Variants in TUSC3 observed in about 807,000 individuals in gnomAD.
TUSC3 encodes dolichyl-diphosphooligosaccharide--protein glycosyltransferase subunit TUSC3.
TUSC3 carries 45 observed loss-of-function variants against 44.8 expected under a neutral mutation model. That is an observed-to-expected ratio of 1.00 (90% CI 0.79 to 1.29). The LOEUF (loss-of-function observed/expected upper bound fraction) is 1.29. Among genes scored for constraint, TUSC3 ranks in the 50% most tolerant of loss-of-function variants. The pLI, the probability that TUSC3 is intolerant of heterozygous loss-of-function variation, is 0.00. For synonymous variants in TUSC3, 212 were observed against 152.9 expected (o/e 1.39, Z -2.85); for missense variants, 519 against 437.9 (o/e 1.19, Z -1.65).
intron 9 of TUSC3, among the ~76,000 whole-genome samples, chr8:15,750,672 A>AGAT (rs1431909509): frequency 6.6e-6 from 1 of 152,086 alleles, no homozygotes; most frequent in Non-Finnish European, 1.5e-5. Flanking sequence ...GCCTCACCAT[A>AGAT]GATATAAATA....
At chr8:15,780,027 G>A in the TUSC3 span, among the ~76,000 whole-genome samples, 5 of 152,262 alleles carry the variant, frequency 3.3e-5, no homozygotes, top group Non-Finnish European at 5.9e-5. Context: ...TCATCCTCTT[G>A]CCTTACACCA....
upstream of TUSC3, among the ~76,000 whole-genome samples, chr8:15,539,309 T>C (rs56383531): frequency 0.069 from 10,107 of 147,036 alleles, 367 homozygotes; most frequent in African/African-American, 0.11. Context: ...ATCAGGCCCA[T>C]ATCAAACGTT....
At chr8:15,746,704 C>T (rs1811431725) in intron 8 of TUSC3, among the ~76,000 whole-genome samples, 1 of 150,752 alleles carries the variant, frequency 6.6e-6, no homozygotes, top group South Asian at 2.1e-4. Flanking sequence ...TAAAAAGGAG[C>T]AAAGGGAATG....
chr8:15,721,166 A>T (rs1017664818), intron 6 of TUSC3, among the ~76,000 whole-genome samples: 5 of 152,058 alleles, frequency 3.3e-5, no homozygotes, highest in Admixed American at 1.3e-4. Context: ...AATGATCTGT[A>T]CTTAGAAAAT....
intron 2 of TUSC3, among the ~76,000 whole-genome samples, chr8:15,505,674 A>C (rs932273076): frequency 2.6e-5 from 4 of 152,210 alleles, no homozygotes; most frequent in Admixed American, 6.5e-5. Context: ...GGGGTCAGAG[A>C]AACTGCATTT....
intron 1 of TUSC3, among the ~76,000 whole-genome samples, chr8:15,552,144 T>G (rs957349195): frequency 2.6e-5 from 4 of 151,802 alleles, no homozygotes; most frequent in Non-Finnish European, 1.5e-5. Flanking sequence ...ATGTACCTTT[T>G]GATGATTTTA....
At chr8:15,446,611 C>T (rs968468969) in intron 1 of TUSC3, among the ~76,000 whole-genome samples, 5 of 151,600 alleles carry the variant, frequency 3.3e-5, no homozygotes, top group African/African-American at 7.3e-5. Flanking sequence ...CCTGCAATCC[C>T]AGGCGCTCGG....
chr8:15,645,575 C>T (rs1285426670), intron 2 of TUSC3, among the ~76,000 whole-genome samples: 2 of 152,028 alleles, frequency 1.3e-5, no homozygotes, highest in African/African-American at 2.4e-5. Context: ...TCTTTAACCT[C>T]TTAAAAGTGG....
the TUSC3 span, among the ~76,000 whole-genome samples, chr8:15,777,541 A>C: frequency 6.9e-6 from 1 of 145,590 alleles, no homozygotes; most frequent in African/African-American, 2.8e-5. Context: ...AAGAAAGACA[A>C]AATCTCTGAA....
At chr8:15,527,773 A>C (rs1313906516) in intron 2 of TUSC3, among the ~76,000 whole-genome samples, 1 of 152,196 alleles carries the variant, frequency 6.6e-6, no homozygotes, top group African/African-American at 2.4e-5. Flanking sequence ...GTAACTAAGC[A>C]CTAGTTACTG....
At chr8:15,570,938 A>C (rs1006520170) in intron 1 of TUSC3, among the ~76,000 whole-genome samples, 1 of 52,148 alleles carries the variant, frequency 1.9e-5, no homozygotes, top group Non-Finnish European at 6.0e-5. Flanking sequence ...TTTGCTTTCT[A>C]TTCCATTGCC....
At chr8:15,527,605 G>T (rs114735425) in intron 2 of TUSC3, among the ~76,000 whole-genome samples, 1 of 152,112 alleles carries the variant, frequency 6.6e-6, no homozygotes, top group African/African-American at 2.4e-5. Flanking sequence ...TGGTCTTACT[G>T]TGTTGACCAG....
At chr8:15,826,391 A>C in the TUSC3 span, among the ~76,000 whole-genome samples, 1 of 152,192 alleles carries the variant, frequency 6.6e-6, no homozygotes, top group Non-Finnish European at 1.5e-5. Context: ...AATAGCTTTA[A>C]TTGCCTTTTC....
intron 1 of TUSC3, among the ~76,000 whole-genome samples, chr8:15,420,752 T>G (rs1401420922): frequency 1.3e-5 from 2 of 152,148 alleles, no homozygotes; most frequent in African/African-American, 4.8e-5. Flanking sequence ...AGTTTCACAG[T>G]GGTGTTCCCT....
At chr8:15,583,675 G>A (rs1038938292) in intron 1 of TUSC3, among the ~76,000 whole-genome samples, 1 of 152,294 alleles carries the variant, frequency 6.6e-6, no homozygotes, top group East Asian at 1.9e-4. Flanking sequence ...AATTTGTACT[G>A]GAAGTGTTCA....
At chr8:15,674,514 A>G (rs538415684) in intron 6 of TUSC3, among the ~76,000 whole-genome samples, 8 of 151,942 alleles carry the variant, frequency 5.3e-5, no homozygotes, top group Non-Finnish European at 1.2e-4. Context: ...AAAGATACGT[A>G]TTTTGAGAAT....
At chr8:15,694,116 T>G (rs956491628) in intron 6 of TUSC3, among the ~76,000 whole-genome samples, 1 of 152,094 alleles carries the variant, frequency 6.6e-6, no homozygotes, top group Non-Finnish European at 1.5e-5. Flanking sequence ...TTATCCATAT[T>G]CCATATTGTA....
At chr8:15,682,811 C>CTTT (rs3988415) in intron 6 of TUSC3, among the ~76,000 whole-genome samples, 1 of 129,784 alleles carries the variant, frequency 7.7e-6, no homozygotes, top group Non-Finnish European at 1.6e-5. Flanking sequence ...CTAGAACTTT[C>CTTT]TTTTTTTTTT....
the TUSC3 span, chr8:15,806,927 A>G: frequency 6.3e-6 from 9 of 1,429,664 alleles, no homozygotes; most frequent in South Asian, 1.1e-5. Context: ...TATCTGCACC[A>G]TGTTTCTTCT....
Sources: allele counts gnomAD v4.1 joint callset (sites outside exome capture counted in the v4.1 genomes callset), GRCh38; gene constraint gnomAD v4.1.1; transcripts MANE v1.5; gene names NCBI Gene and HGNC (gene_info 2026-07-23, HGNC 2026-07-21).